SYN2: variants seen among roughly 807,000 people sequenced by gnomAD.
The protein encoded by SYN2 is synapsin-2.
In SYN2, 19 loss-of-function variants were observed where a neutral mutation model predicts 50.9. That is an observed-to-expected ratio of 0.37 (90% CI 0.26 to 0.55). The LOEUF (loss-of-function observed/expected upper bound fraction) is 0.55. Among genes scored for constraint, SYN2 ranks in the 20% least tolerant of loss-of-function variants. The pLI is 0.81. For synonymous variants in SYN2, 255 were observed against 224.9 expected, an observed-to-expected ratio of 1.13 and a Z score of -1.20; for missense variants, 587 against 576.4, an observed-to-expected ratio of 1.02 and a Z score of -0.19.
chr3:12,106,778 A>G (rs1303600594), intron 1 of SYN2, among the ~76,000 whole-genome samples: 3 of 152,182 alleles, frequency 2.0e-5, no homozygotes, highest in Non-Finnish European at 4.4e-5. Flanking sequence ...ATTATATAGC[A>G]TATTTTTTCA....
intron 1 of SYN2, among the ~76,000 whole-genome samples, chr3:12,106,923 A>G (rs1402976012): frequency 2.0e-5 from 3 of 152,110 alleles, no homozygotes; most frequent in Admixed American, 2.0e-4. Context: ...TTACATCAAT[A>G]TCTTCAGTAT....
intron 5 of SYN2, among the ~76,000 whole-genome samples, chr3:12,155,396 A>G (rs1697425589): frequency 6.6e-6 from 1 of 152,170 alleles, no homozygotes; most frequent in African/African-American, 2.4e-5. Flanking sequence ...CTCAGAGAAG[A>G]CTGTGCTTGC....
intron 1 of SYN2, among the ~76,000 whole-genome samples, chr3:12,099,569 G>T (rs1696019796): frequency 6.6e-6 from 1 of 152,132 alleles, no homozygotes; most frequent in East Asian, 1.9e-4. Context: ...GAAATTTATA[G>T]CTATACTTGC....
intron 1 of SYN2, among the ~76,000 whole-genome samples, chr3:12,096,421 T>C (rs1695935756): frequency 6.6e-6 from 1 of 152,094 alleles, no homozygotes; most frequent in South Asian, 2.1e-4. Context: ...TGAGAACCAG[T>C]CCAGAGCTCC....
At chr3:12,037,244 C>A (rs1183936857) in intron 1 of SYN2, among the ~76,000 whole-genome samples, 1 of 152,206 alleles carries the variant, frequency 6.6e-6, no homozygotes, top group Non-Finnish European at 1.5e-5. Flanking sequence ...CCTTAAGACT[C>A]TATTAATGGC....
Position 12,143,003 on chromosome 3 carries a change from A to G in SYN2, c.527+1007A>G, listed in dbSNP as rs144352105. 5.1e-3 allele frequency among the ~76,000 whole-genome samples: 772 copies of G among 152,330 alleles called. 3 individuals are homozygous for G. Among genetic ancestry groups the G allele is most frequent in the Middle Eastern group, 0.017 (5 of 294 alleles). On this transcript the variant is annotated intron_variant, in intron 3 of 12. Coordinates refer to ENST00000621198, the MANE Select transcript of SYN2 (RefSeq NM_133625.6). The stretch of plus-strand genomic sequence containing the variant: ...TGGGGAGTGAGCTTAGGTAGCCCCT[A>G]CAAGAGAAAATGGATGGGCTCCTCC...
chr3:12,183,852 C>T (rs1006594741), intron 11 of SYN2: 1 of 1,026,774 alleles, frequency 9.7e-7, no homozygotes, highest in Non-Finnish European at 1.2e-6. Context: ...CTCTCCTCCC[C>T]CCAAGCTCAG....
intron 1 of SYN2, among the ~76,000 whole-genome samples, chr3:12,101,810 A>G (rs1332741619): frequency 6.6e-6 from 1 of 152,180 alleles, no homozygotes; most frequent in Non-Finnish European, 1.5e-5. Context: ...TTATTGGGAC[A>G]GTATATTTGT....
At chr3:12,048,503 T>G (rs1694789976) in intron 1 of SYN2, among the ~76,000 whole-genome samples, 1 of 152,168 alleles carries the variant, frequency 6.6e-6, no homozygotes, top group African/African-American at 2.4e-5. Flanking sequence ...ACTACAAAAT[T>G]CTTTTAAGAC....
intron 5 of SYN2, among the ~76,000 whole-genome samples, chr3:12,160,624 G>C (rs1280241155): frequency 6.6e-6 from 1 of 152,202 alleles, no homozygotes; most frequent in Non-Finnish European, 1.5e-5. Context: ...TGTACTATTT[G>C]AAGGGAGCTC....
chr3:12,117,856 A>G (rs1019164958), intron 1 of SYN2, among the ~76,000 whole-genome samples: 5 of 152,150 alleles, frequency 3.3e-5, no homozygotes, highest in African/African-American at 7.2e-5. Context: ...ACAGATTCCC[A>G]TATCTTCCTA....
At chr3:12,039,209 T>C (rs1694561117) in intron 1 of SYN2, among the ~76,000 whole-genome samples, 1 of 152,208 alleles carries the variant, frequency 6.6e-6, no homozygotes, top group Non-Finnish European at 1.5e-5. Flanking sequence ...CATTGACTAA[T>C]GTTCATATGT....
chr3:12,068,273 C>T (rs975967107), intron 1 of SYN2, among the ~76,000 whole-genome samples: 2 of 152,028 alleles, frequency 1.3e-5, no homozygotes, highest in African/African-American at 4.8e-5. Flanking sequence ...AATTTTAGGT[C>T]AGAAGTCATT....
intron 1 of SYN2, among the ~76,000 whole-genome samples, chr3:12,126,163 C>G (rs1696665666): frequency 6.6e-6 from 1 of 152,204 alleles, no homozygotes; most frequent in Non-Finnish European, 1.5e-5. Context: ...AGAAATCTCG[C>G]TTCTAGAGAG....
intron 5 of SYN2, chr3:12,153,067 G>A (rs975362773): frequency 4.2e-6 from 1 of 239,230 alleles, no homozygotes; most frequent in Admixed American, 4.8e-5. Context: ...GCCACAGTAT[G>A]TTCTTGTTTT....
At chr3:12,131,366 C>A (rs574516905) in intron 1 of SYN2, among the ~76,000 whole-genome samples, 1 of 152,150 alleles carries the variant, frequency 6.6e-6, no homozygotes, top group African/African-American at 2.4e-5. Context: ...GATTCGTGAC[C>A]GTACAGTGGA....
At position 12,124,637 on chromosome 3, in the gene SYN2, A is replaced by G. The variant is rs538201625; in HGVS notation, c.378-16014A>G. On this transcript the variant is annotated intron_variant, in intron 1 of 12. Coordinates refer to ENST00000621198, the MANE Select transcript of SYN2 (RefSeq NM_133625.6). ...ATAGGCCAGGGTTTTGTATATTACC[A>G]TGAATACATGTCAGAAATATAACAC... Among the ~76,000 whole-genome samples the G allele has an allele frequency of 9.2e-5, 14 of 152,342 alleles. No individual in the cohort carries two copies. In the South Asian group the frequency reaches 2.1e-3, roughly 23 times the overall value.
rs112996085 is a variant in SYN2, at chr3:12,111,341, G to T, written c.378-29310G>T. On this transcript the variant is annotated intron_variant, in intron 1 of 12. Transcript: ENST00000621198. ...TGTAAGTCCATTAAGCCTTTCTCCT[G>T]TATGAATTACCCAGTCTCGGGTATG... 7.3e-3 allele frequency among the ~76,000 whole-genome samples: 1,115 copies of T among 152,268 alleles called. 9 individuals carry two copies. Among genetic ancestry groups the T allele is most frequent in the African/African-American group, 0.025 (1,058 of 41,546 alleles).
At chr3:12,108,844 GTT>G (rs59521769) in intron 1 of SYN2, among the ~76,000 whole-genome samples, 1 of 143,120 alleles carries the variant, frequency 7.0e-6, no homozygotes. Context: ...TTAGGAGCCA[GTT>G]TTTTTTTTTT....
Sources: allele counts gnomAD v4.1 joint callset (sites outside exome capture counted in the v4.1 genomes callset), GRCh38; gene constraint gnomAD v4.1.1; transcripts MANE v1.5; gene names NCBI Gene and HGNC (gene_info 2026-07-23, HGNC 2026-07-21).